The following SLC12A2 variants were observed in gnomAD, a reference collection of about 807,000 sequenced individuals.
SLC12A2 encodes the protein Na-K-2Cl cotransporter 1.
In SLC12A2, 67 loss-of-function variants were observed where a neutral mutation model predicts 136.3. The observed-to-expected ratio is 0.49, with a 90% CI of 0.40 to 0.60. The LOEUF (loss-of-function observed/expected upper bound fraction) is 0.60, where lower values mean the gene tolerates loss of function less well. Ranked by LOEUF, SLC12A2 falls within the 20% of genes least tolerant of loss-of-function variation. The pLI is 0.00. For missense variants in SLC12A2, 1,322 were observed against 1,534.7 expected, an observed-to-expected ratio of 0.86 and a Z score of 2.32; for synonymous variants, 619 against 562.9, an observed-to-expected ratio of 1.10 and a Z score of -1.41.
intron 7 of SLC12A2, 101 bp from the exon 8 acceptor site, chr5:128,138,496 G>A: frequency 2.8e-6 from 3 of 1,056,560 alleles, no homozygotes; most frequent in South Asian, 1.8e-5. Flanking sequence ...TACTTTAACT[G>A]AAGAAAAGTT....
At chr5:128,172,899 C>T (rs1455182316) in intron 19 of SLC12A2, among the ~76,000 whole-genome samples, 3 of 150,868 alleles carry the variant, frequency 2.0e-5, no homozygotes, top group Non-Finnish European at 2.9e-5. Flanking sequence ...TGCAGTAAGC[C>T]GAGATTGCTC....
chr5:128,125,591 CTG>C (rs1363552477), intron 4 of SLC12A2, among the ~76,000 whole-genome samples: 3 of 152,010 alleles, frequency 2.0e-5, no homozygotes, highest in East Asian at 1.9e-4. Context: ...TGTTCTCAGT[CTG>C]TGGCTTGTCT....
At chr5:128,102,597 T>A (rs1207817214) in intron 1 of SLC12A2, among the ~76,000 whole-genome samples, 2 of 16,386 alleles carry the variant, frequency 1.2e-4, no homozygotes, top group African/African-American at 5.1e-4. Context: ...CCCCCCCGCC[T>A]TTTTTTTTTT....
chr5:128,188,551 CCA>C lies in SLC12A2; in HGVS notation c.*1921_*1922del, dbSNP rs1763939020. 6.6e-6 allele frequency: 1 copy of C among 151,764 alleles called. No individual in the cohort carries two copies. Among genetic ancestry groups the C allele is most frequent in the Non-Finnish European group, 1.5e-5 (1 of 67,968 alleles). The allele number at this position is 151,764 out of a possible 1,614,324, so 9.4% of individuals were successfully genotyped here. ...CTTGTGATCCACCCGCCTCAGCCTC[CCA>C]GAGTGCTGGGATTACAGGTGCGAGC... On this transcript the variant is annotated 3_prime_UTR_variant, in exon 27 of 27. Coordinates refer to ENST00000262461, the MANE Select transcript of SLC12A2 (RefSeq NM_001046.3).
Position 128,083,862 on chromosome 5 carries a change from T to C in SLC12A2, c.-93T>C. 1 of 970,506 alleles carries C rather than the reference T, an allele frequency of 1.0e-6. No homozygotes were observed. The highest frequency in any genetic ancestry group is 1.3e-6 in the Non-Finnish European group (1 of 755,408). The allele number at this position is 970,506 out of a possible 1,614,324, so 60.1% of individuals were successfully genotyped here. On this transcript the variant is annotated 5_prime_UTR_variant, in exon 1 of 27. Coordinates refer to ENST00000262461, the MANE Select transcript of SLC12A2 (RefSeq NM_001046.3). ...GGGAGAAAGACTCTCTCACCTGGTCTTGCGGCTGTGGCCACCGCCGGCCAG... is the reference window on the plus strand; with the variant it reads ...GGGAGAAAGACTCTCTCACCTGGTCCTGCGGCTGTGGCCACCGCCGGCCAG...
At chr5:128,133,066 GT>G (rs901669716) in intron 5 of SLC12A2, among the ~76,000 whole-genome samples, 22 of 150,192 alleles carry the variant, frequency 1.5e-4, no homozygotes, top group Non-Finnish European at 1.9e-4. Context: ...CACTAGTACC[GT>G]TTTTTTTCAA....
chr5:128,156,249 C>T (rs1019752520), intron 15 of SLC12A2, among the ~76,000 whole-genome samples: 3 of 152,108 alleles, frequency 2.0e-5, no homozygotes, highest in African/African-American at 7.2e-5. Context: ...CATGTGCTTT[C>T]CAGATTTCAT....
chr5:128,153,902 A>T (rs552215355), intron 15 of SLC12A2, among the ~76,000 whole-genome samples: 2 of 152,272 alleles, frequency 1.3e-5, no homozygotes, highest in Admixed American at 1.3e-4. Context: ...ATGGAGAAGA[A>T]GGAATGAGAG....
At chr5:128,167,173 T>C (rs1377936747) in intron 17 of SLC12A2, among the ~76,000 whole-genome samples, 7 of 152,110 alleles carry the variant, frequency 4.6e-5, no homozygotes, top group Non-Finnish European at 8.8e-5. Flanking sequence ...GATTTTGGTA[T>C]CCTGGAAGGG....
At chr5:128,148,955 CA>C in intron 12 of SLC12A2, 78 bp downstream of exon 12, 1 of 1,217,990 alleles carries the variant, frequency 8.2e-7, no homozygotes, top group Non-Finnish European at 1.1e-6. Context: ...AAATTATTAA[CA>C]ATGTTATCTT....
intron 20 of SLC12A2, among the ~76,000 whole-genome samples, chr5:128,175,050 GAAGAA>G (rs1284353989): frequency 6.6e-6 from 1 of 152,020 alleles, no homozygotes; most frequent in African/African-American, 2.4e-5. Context: ...TCATGTTTGA[GAAGAA>G]AAGAGGGATG....
intron 4 of SLC12A2, among the ~76,000 whole-genome samples, chr5:128,118,358 G>T (rs959960645): frequency 3.9e-5 from 6 of 152,044 alleles, no homozygotes; most frequent in Non-Finnish European, 8.8e-5. Context: ...AAGAAAATGT[G>T]GTATATATAC....
intron 10 of SLC12A2, among the ~76,000 whole-genome samples, chr5:128,146,929 G>C (rs148603040): frequency 1.3e-4 from 19 of 151,556 alleles, no homozygotes; most frequent in African/African-American, 4.1e-4. Flanking sequence ...AATGAGAAGA[G>C]GTTAAGCAAT....
chr5:128,108,866 T>G (rs1358477052), intron 1 of SLC12A2, among the ~76,000 whole-genome samples: 1 of 152,216 alleles, frequency 6.6e-6, no homozygotes, highest in East Asian at 1.9e-4. Flanking sequence ...TGGGGTTGGT[T>G]AGTTCCATTT....
At chr5:128,120,729 G>A (rs1447241844) in intron 4 of SLC12A2, among the ~76,000 whole-genome samples, 1 of 152,014 alleles carries the variant, frequency 6.6e-6, no homozygotes, top group Non-Finnish European at 1.5e-5. Context: ...GGAGGTGGGA[G>A]GGATAGCATT....
rs1427978830 is a variant in SLC12A2, at chr5:128,131,342, G to A, written c.1188+136G>A. On this transcript the variant is annotated intron_variant, in intron 5 of 26. Transcript: ENST00000262461. ...GTCCTTCATAAAGTTTACTACAGGA[G>A]ATAGGCAAAGAACAAAATACTATTA... 6 of 874,926 alleles carry A rather than the reference G, an allele frequency of 6.9e-6. No homozygotes were observed. In the East Asian group the frequency reaches 7.4e-5, roughly 11 times the overall value. 54.2% of individuals were successfully genotyped at this position (874,926 alleles called of 1,614,324 possible).
At chr5:128,101,749 G>A (rs1356017233) in intron 1 of SLC12A2, among the ~76,000 whole-genome samples, 1 of 152,180 alleles carries the variant, frequency 6.6e-6, no homozygotes, top group African/African-American at 2.4e-5. Flanking sequence ...AGGCAAATAG[G>A]AAAGAGTTTA....
intron 16 of SLC12A2, among the ~76,000 whole-genome samples, chr5:128,160,440 GA>G (rs1263142117): frequency 6.6e-6 from 1 of 151,910 alleles, no homozygotes; most frequent in East Asian, 1.9e-4. Context: ...TTACTTACCA[GA>G]AAAAAATGGG....
chr5:128,142,616 T>C (rs913600905), intron 10 of SLC12A2, among the ~76,000 whole-genome samples: 1 of 152,120 alleles, frequency 6.6e-6, no homozygotes, highest in Non-Finnish European at 1.5e-5. Flanking sequence ...ATCTTGCACA[T>C]GGTCATATTT....
Sources: gnomAD v4.1 joint callset for allele counts (sites outside exome capture counted in the v4.1 genomes callset) on GRCh38, gnomAD v4.1.1 for gene constraint, MANE v1.5 for transcripts, NCBI Gene and HGNC (gene_info 2026-07-23, HGNC 2026-07-21) for gene names.